TEX11: variants seen among roughly 807,000 people sequenced by gnomAD.
The protein encoded by TEX11 is testis expressed 11.
A neutral mutation model predicts 84.4 loss-of-function variants in TEX11; 7 were observed. The observed-to-expected ratio is 0.08, with a 90% CI of 0.05 to 0.16. The LOEUF is 0.16. Among genes scored for constraint, TEX11 ranks in the 10% least tolerant of loss-of-function variants. TEX11 has a pLI of 1.00. For missense variants in TEX11, 551 were observed against 660.5 expected (o/e 0.83, Z 1.82); for synonymous variants, 264 against 222.8 (o/e 1.18, Z -1.64).
At chrX:70,623,832 C>T (rs2089421606) in intron 20 of TEX11, 118 bp downstream of exon 20, 1 of 562,849 alleles carries the variant, frequency 1.8e-6, no homozygotes. Flanking sequence ...GAAGACTGGC[C>T]CCAAAACCTG....
At chrX:70,572,937 C>T (rs2088624691) in intron 25 of TEX11, among the ~76,000 whole-genome samples, 1 of 109,723 alleles carries the variant, frequency 9.1e-6, no homozygotes. Context: ...ACCAACATGG[C>T]ACATGTATAC....
At chrX:70,818,718 T>C (rs2091303157) in intron 8 of TEX11, among the ~76,000 whole-genome samples, 1 of 110,814 alleles carries the variant, frequency 9.0e-6, no homozygotes, top group African/African-American at 3.3e-5. Context: ...CACATATCCC[T>C]GGGATTAGCA....
chrX:70,729,013 G>A (rs1433414545), intron 11 of TEX11, among the ~76,000 whole-genome samples: 12 of 86,014 alleles, frequency 1.4e-4, no homozygotes, highest in Admixed American at 5.4e-4. Context: ...ACCAATATCC[G>A]CTGTTCTGCA....
chrX:70,817,561 G>T (rs773599836), intron 8 of TEX11, among the ~76,000 whole-genome samples: 1 of 110,996 alleles, frequency 9.0e-6, no homozygotes, highest in Admixed American at 9.6e-5. Context: ...GGACACGCCT[G>T]TAATGGCAGC....
chrX:70,874,395 CTTTTTT>C (rs34210812), intron 3 of TEX11, among the ~76,000 whole-genome samples: 17 of 48,068 alleles, frequency 3.5e-4, no homozygotes, highest in African/African-American at 1.3e-3. Flanking sequence ...TGATGACTTC[CTTTTTT>C]TTTTTTTTTT....
At chrX:70,691,533 A>G (rs1365241688) in intron 13 of TEX11, among the ~76,000 whole-genome samples, 1 of 111,639 alleles carries the variant, frequency 9.0e-6, no homozygotes, top group Non-Finnish European at 1.9e-5. Flanking sequence ...AACGCGGAGG[A>G]CACTATGCTA....
At chrX:70,595,309 T>C (rs1415521699) in intron 24 of TEX11, among the ~76,000 whole-genome samples, 1 of 111,190 alleles carries the variant, frequency 9.0e-6, no homozygotes, top group African/African-American at 3.3e-5. Flanking sequence ...GATTTTGAAC[T>C]CCTGACCTCA....
chrX:70,737,067 A>G (rs756625577), intron 11 of TEX11, among the ~76,000 whole-genome samples: 1 of 111,817 alleles, frequency 8.9e-6, no homozygotes, highest in Non-Finnish European at 1.9e-5. Context: ...AGTGACATAG[A>G]TATTAGAATT....
intron 13 of TEX11, among the ~76,000 whole-genome samples, chrX:70,708,733 G>A (rs1773474437): frequency 9.0e-6 from 1 of 110,694 alleles, no homozygotes; most frequent in Non-Finnish European, 1.9e-5. Context: ...ACTTATAAAT[G>A]GGAGCTAAAC....
At chrX:70,750,933 A>AAAAAAAATAT (rs1390175136) in intron 9 of TEX11, among the ~76,000 whole-genome samples, 5 of 28,198 alleles carry the variant, frequency 1.8e-4, no homozygotes, top group African/African-American at 6.0e-4. Flanking sequence ...AAAAAAAAAA[A>AAAAAAAATAT]ATATATATAT....
intron 4 of TEX11, among the ~76,000 whole-genome samples, chrX:70,870,526 G>A (rs997083960): frequency 2.7e-5 from 3 of 110,577 alleles, no homozygotes; most frequent in African/African-American, 9.9e-5. Context: ...TAGTAGAGAC[G>A]GAGTTTCACT....
intron 25 of TEX11, among the ~76,000 whole-genome samples, chrX:70,568,176 T>C (rs1232335759): frequency 2.7e-5 from 3 of 111,653 alleles, no homozygotes; most frequent in Non-Finnish European, 3.8e-5. Flanking sequence ...TCTTTGTCTC[T>C]TTTGATCTTT....
chrX:70,608,431 T>G (rs1361763241), intron 22 of TEX11, among the ~76,000 whole-genome samples: 1 of 112,250 alleles, frequency 8.9e-6, no homozygotes, highest in Non-Finnish European at 1.9e-5. Flanking sequence ...TTTTGGTCAA[T>G]CACACTCAGA....
At chrX:70,786,851 C>T (rs1180023386) in intron 9 of TEX11, among the ~76,000 whole-genome samples, 1 of 112,008 alleles carries the variant, frequency 8.9e-6, no homozygotes, top group Non-Finnish European at 1.9e-5. Context: ...AAGCATCTGA[C>T]TGTCCCGGTG....
At chrX:70,871,313 T>A (rs2147866700) in intron 4 of TEX11, among the ~76,000 whole-genome samples, 1 of 112,303 alleles carries the variant, frequency 8.9e-6, no homozygotes, top group South Asian at 3.7e-4. Context: ...TCTGTGTAAA[T>A]CATTGCCAAA....
intron 5 of TEX11, among the ~76,000 whole-genome samples, chrX:70,855,962 G>C (rs1280307438): frequency 2.7e-5 from 3 of 111,677 alleles, no homozygotes; most frequent in Admixed American, 9.6e-5. Context: ...CAACCAACCT[G>C]TGATATTGTG....
At chrX:70,905,343 G>A (rs1039516103) in intron 2 of TEX11, among the ~76,000 whole-genome samples, 2 of 110,958 alleles carry the variant, frequency 1.8e-5, no homozygotes, top group Admixed American at 9.6e-5. Flanking sequence ...AAAAAAATCA[G>A]TCAATGTATT....
chrX:70,841,846 C>T (rs370632240), intron 7 of TEX11, among the ~76,000 whole-genome samples: 3 of 111,515 alleles, frequency 2.7e-5, no homozygotes, highest in Middle Eastern at 4.6e-3. Context: ...GAGAATACTA[C>T]AAACACCTCT....
intron 11 of TEX11, among the ~76,000 whole-genome samples, chrX:70,732,286 G>T (rs1443089624): frequency 5.4e-5 from 6 of 111,680 alleles, no homozygotes; most frequent in Non-Finnish European, 9.4e-5. Flanking sequence ...TCAACATAGT[G>T]TTGGAAGTTC....
Sources: gnomAD v4.1 joint callset for allele counts (sites outside exome capture counted in the v4.1 genomes callset) on GRCh38, gnomAD v4.1.1 for gene constraint, MANE v1.5 for transcripts, NCBI Gene and HGNC (gene_info 2026-07-23, HGNC 2026-07-21) for gene names.